CADM2: variants seen among roughly 807,000 people sequenced by gnomAD.
The protein encoded by CADM2 is immunoglobulin superfamily member 4D.
A neutral mutation model predicts 49.8 loss-of-function variants in CADM2; 12 were observed. The observed-to-expected ratio is 0.24, with a 90% CI of 0.15 to 0.39. The LOEUF is 0.39. Among genes scored for constraint, CADM2 ranks in the 10% least tolerant of loss-of-function variants. The pLI, the probability that CADM2 is intolerant of heterozygous loss-of-function variation, is 1.00. For missense variants in CADM2, 378 were observed against 492.3 expected, an observed-to-expected ratio of 0.77 and a Z score of 2.20; for synonymous variants, 214 against 175.4, an observed-to-expected ratio of 1.22 and a Z score of -1.74.
intron 1 of CADM2, among the ~76,000 whole-genome samples, chr3:85,032,836 C>T (rs1341008260): frequency 2.6e-5 from 4 of 152,130 alleles, no homozygotes; most frequent in Non-Finnish European, 4.4e-5. Context: ...GCTTTGACAT[C>T]AGTGGCCTTC....
intron 7 of CADM2, 26 bp downstream of exon 7, chr3:85,935,883 C>A: frequency 7.3e-7 from 1 of 1,363,514 alleles, no homozygotes; most frequent in Non-Finnish European, 1.0e-6. Context: ...AGCAATAAAG[C>A]TTTTAACTTT....
intron 1 of CADM2, among the ~76,000 whole-genome samples, chr3:85,425,244 A>G (rs2036348061): frequency 6.6e-6 from 1 of 152,232 alleles, no homozygotes; most frequent in Admixed American, 6.5e-5. Flanking sequence ...ATGTTCAGCT[A>G]TAAATTACCA....
rs185966070 is a variant in CADM2 at position 86,064,418 on chromosome 3, G to A, written c.971-1187G>A. 3.3e-3 allele frequency among the ~76,000 whole-genome samples: 503 copies of A among 152,196 alleles called. 2 individuals carry two copies. Among genetic ancestry groups the A allele is most frequent in the Non-Finnish European group, 5.0e-3 (343 of 68,014 alleles). The stretch of plus-strand genomic sequence containing the variant: ...TTTTATGACTGCATAGTATTCCATG[G>A]TGTATATGTGCCACATTTTCTTAAT... On this transcript the variant is annotated intron_variant, in intron 8 of 9. Coordinates refer to ENST00000383699, the MANE Select transcript of CADM2 (RefSeq NM_001167675.2).
intron 3 of CADM2, chr3:85,805,548 G>T (rs1302191013): frequency 6.6e-6 from 1 of 151,886 alleles, no homozygotes; most frequent in African/African-American, 2.4e-5. Flanking sequence ...CAATTTCTAT[G>T]TGATATCTTA....
At chr3:85,669,652 TA>T (rs1162039909) in intron 1 of CADM2, among the ~76,000 whole-genome samples, 5 of 152,238 alleles carry the variant, frequency 3.3e-5, no homozygotes, top group Middle Eastern at 3.4e-3. Context: ...AATACTTTTG[TA>T]AAAGACAGAT....
chr3:85,438,114 T>G (rs2037017565), intron 1 of CADM2, among the ~76,000 whole-genome samples: 1 of 152,108 alleles, frequency 6.6e-6, no homozygotes, highest in African/African-American at 2.4e-5. Flanking sequence ...TAGATAACTT[T>G]GAATTCTTAT....
chr3:85,593,301 A>T (rs1287075914), intron 1 of CADM2, among the ~76,000 whole-genome samples: 2 of 151,994 alleles, frequency 1.3e-5, no homozygotes, highest in African/African-American at 4.8e-5. Context: ...AGCATTAGGT[A>T]TACTTGTTTG....
intron 1 of CADM2, among the ~76,000 whole-genome samples, chr3:85,725,167 G>T (rs1209297386): frequency 2.6e-5 from 4 of 151,560 alleles, no homozygotes; most frequent in Non-Finnish European, 5.9e-5. Flanking sequence ...GTTTTTGTCT[G>T]GTAAAAATTT....
At chr3:85,525,410 C>A (rs1224775326) in intron 1 of CADM2, among the ~76,000 whole-genome samples, 1 of 152,132 alleles carries the variant, frequency 6.6e-6, no homozygotes, top group Non-Finnish European at 1.5e-5. Context: ...AGAATGACAG[C>A]CAAGATGCTG....
chr3:85,672,350 G>A (rs1281729132), intron 1 of CADM2, among the ~76,000 whole-genome samples: 14 of 151,708 alleles, frequency 9.2e-5, no homozygotes, highest in East Asian at 1.9e-4. Context: ...CCGCCACCAC[G>A]CCTGACTAAT....
chr3:85,288,793 C>CCT lies in CADM2; in HGVS notation c.61+329126_61+329127insTC, dbSNP rs1553704690. 4.8e-4 allele frequency among the ~76,000 whole-genome samples: 65 copies of CCT among 136,370 alleles called. 4 individuals are homozygous for CCT. Among genetic ancestry groups the CCT allele is most frequent in the Admixed American group, 1.3e-3 (17 of 13,320 alleles). The allele number at this position is 136,370 out of a possible 152,430, so 89.5% of individuals were successfully genotyped here. A position where few individuals can be genotyped will look rare whatever the true frequency, so the allele number is the denominator to read the frequency against. On this transcript the variant is annotated intron_variant, in intron 1 of 9. Transcript: ENST00000383699. ...TCTGCTTTACCAATATGCCCCCCCC[C>CCT]CCTCTTTTTTTCCATCATGGCTAAT... is the stretch of plus-strand genomic sequence containing the variant.
chr3:85,938,584 A>G (rs539334166), intron 7 of CADM2, among the ~76,000 whole-genome samples: 1 of 152,122 alleles, frequency 6.6e-6, no homozygotes, highest in Admixed American at 6.6e-5. Flanking sequence ...AATATGTGAT[A>G]TACTCAATCA....
intron 1 of CADM2, among the ~76,000 whole-genome samples, chr3:85,387,312 C>T (rs2034285359): frequency 6.6e-6 from 1 of 152,070 alleles, no homozygotes; most frequent in African/African-American, 2.4e-5. Context: ...AAAAAATAAG[C>T]AAATACGAGT....
At chr3:85,573,206 T>C (rs1161974348) in intron 1 of CADM2, among the ~76,000 whole-genome samples, 6 of 49,196 alleles carry the variant, frequency 1.2e-4, no homozygotes, top group African/African-American at 2.5e-4. Context: ...TATTTATTTA[T>C]TTACTGAGGC....
chr3:85,802,117 C>T lies in CADM2; in HGVS notation c.159C>T (p.Cys53=). The T allele has an allele frequency of 6.2e-7, 1 of 1,613,304 alleles. No individual in the cohort carries two copies. Among genetic ancestry groups the T allele is most frequent in the Non-Finnish European group, 8.5e-7 (1 of 1,179,534 alleles). ...AAGGTGGAACTGCAATTTTGACCTG[C>T]AGGGTTGATCAAAATGATAACACCT... ...VVEGGTAILT[C]RVDQNDNTSL... The change falls in exon 3 of 10, where the codon TGC becomes TGT. Residue 53 remains cysteine, a synonymous_variant. Coordinates refer to ENST00000383699, the MANE Select transcript of CADM2 (RefSeq NM_001167675.2).
chr3:85,061,433 T>G (rs570387841), intron 1 of CADM2, among the ~76,000 whole-genome samples: 1 of 152,280 alleles, frequency 6.6e-6, no homozygotes, highest in Non-Finnish European at 1.5e-5. Flanking sequence ...CTTATTTGAA[T>G]AAGAAAGGAT....
intron 2 of CADM2, among the ~76,000 whole-genome samples, chr3:85,768,459 A>AAATG (rs2069784811): frequency 1.0e-5 from 1 of 96,948 alleles, no homozygotes; most frequent in Non-Finnish European, 2.1e-5. Flanking sequence ...ATAAATAAAT[A>AAATG]AATAAATAAA....
chr3:85,009,905 A>AC (rs1559614911), intron 1 of CADM2, among the ~76,000 whole-genome samples: 2 of 147,348 alleles, frequency 1.4e-5, no homozygotes, highest in African/African-American at 5.0e-5. Context: ...ATAAATAAAT[A>AC]AATATTTTAA....
At chr3:85,641,305 T>C (rs985530198) in intron 1 of CADM2, among the ~76,000 whole-genome samples, 1 of 152,210 alleles carries the variant, frequency 6.6e-6, no homozygotes, top group Non-Finnish European at 1.5e-5. Flanking sequence ...TATATACAAC[T>C]TTTTTAAATG....
Sources: gnomAD v4.1 joint callset for allele counts (sites outside exome capture counted in the v4.1 genomes callset) on GRCh38, gnomAD v4.1.1 for gene constraint, MANE v1.5 for transcripts, NCBI Gene and HGNC (gene_info 2026-07-23, HGNC 2026-07-21) for gene names.